The following C2CD5 variants were observed in gnomAD, a reference collection of about 807,000 sequenced individuals.
C2CD5 encodes the protein C2 domain-containing protein 5.
Under a neutral mutation model 130.3 loss-of-function variants are expected in C2CD5, and 109 were observed. The ratio of observed to expected loss-of-function variants is 0.84; its 90% confidence interval spans 0.72 to 0.98. C2CD5 has a LOEUF of 0.98. Among genes scored for constraint, C2CD5 ranks in the 50% least tolerant of loss-of-function variants. The pLI is 0.00. For missense variants in C2CD5, 996 were observed against 1,261.8 expected, an observed-to-expected ratio of 0.79 and a Z score of 3.19; for synonymous variants, 454 against 429.2, an observed-to-expected ratio of 1.06 and a Z score of -0.71.
chr12:22,519,424 G>A (rs1294791093), intron 7 of C2CD5, among the ~76,000 whole-genome samples: 6 of 151,954 alleles, frequency 3.9e-5, no homozygotes, highest in African/African-American at 1.5e-4. Context: ...AGGATACATA[G>A]TTTTAAAGTA....
intron 22 of C2CD5, among the ~76,000 whole-genome samples, chr12:22,461,081 C>T (rs1009095194): frequency 6.6e-6 from 1 of 152,126 alleles, no homozygotes; most frequent in Non-Finnish European, 1.5e-5. Flanking sequence ...CTTTGGAAGT[C>T]TAGGAGGAGA....
intron 26 of C2CD5, among the ~76,000 whole-genome samples, chr12:22,451,314 T>C (rs188738111): frequency 6.6e-6 from 1 of 152,290 alleles, no homozygotes; most frequent in Admixed American, 6.5e-5. Flanking sequence ...GATGGTTCAT[T>C]CATTATAAAG....
In C2CD5 at chr12:22,513,251, C is replaced by A; in HGVS notation, c.1038+43G>T. 2.3e-6 allele frequency: 3 copies of A among 1,289,928 alleles called. No individual in the cohort carries two copies. In the South Asian group the frequency reaches 3.6e-5, roughly 15 times the overall value. The allele number at this position is 1,289,928 out of a possible 1,614,324, so 79.9% of individuals were successfully genotyped here. A position where few individuals can be genotyped will look rare whatever the true frequency, so the allele number is the denominator to read the frequency against. On this transcript the variant is annotated intron_variant, in intron 9 of 26. Coordinates refer to ENST00000446597, the MANE Select transcript of C2CD5 (RefSeq NM_001286176.2). ...ACATGGAAGCATAAGATAACAAAGT[C>A]ATATTAACAGTGTAAGAACAAAGAA...
intron 11 of C2CD5, among the ~76,000 whole-genome samples, chr12:22,491,758 G>C (rs1341753614): frequency 6.6e-6 from 1 of 152,004 alleles, no homozygotes; most frequent in African/African-American, 2.4e-5. Flanking sequence ...TGTAATCCCA[G>C]CTACTAAGGA....
chr12:22,519,052 C>G, intron 7 of C2CD5: 1 of 1,453,954 alleles, frequency 6.9e-7, no homozygotes, highest in Non-Finnish European at 9.2e-7. Context: ...GCCTGCCTGC[C>G]TCTGCAGCCA....
At chr12:22,499,979 G>C (rs1167813496) in intron 10 of C2CD5, among the ~76,000 whole-genome samples, 1 of 152,160 alleles carries the variant, frequency 6.6e-6, no homozygotes, top group Non-Finnish European at 1.5e-5. Flanking sequence ...CTTGAGGTCA[G>C]AAGTTCGAGA....
chr12:22,524,325 T>C (rs1950550048), intron 6 of C2CD5, 147 bp downstream of exon 6: 1 of 636,860 alleles, frequency 1.6e-6, no homozygotes. Context: ...AATGCAAGTG[T>C]GTTCAGGAAG....
At chr12:22,484,629 A>C in intron 13 of C2CD5, 68 bp downstream of exon 13, 1 of 821,368 alleles carries the variant, frequency 1.2e-6, no homozygotes, top group Non-Finnish European at 1.8e-6. Context: ...CTGACACTTA[A>C]AAATAGGTTT....
At chr12:22,512,220 A>G (rs1323866580) in intron 9 of C2CD5, among the ~76,000 whole-genome samples, 1 of 152,246 alleles carries the variant, frequency 6.6e-6, no homozygotes, top group Non-Finnish European at 1.5e-5. Context: ...TACTGTCAGC[A>G]TAAGGAGGGA....
intron 2 of C2CD5, among the ~76,000 whole-genome samples, chr12:22,542,933 T>C (rs563851913): frequency 6.6e-6 from 1 of 152,358 alleles, no homozygotes; most frequent in Admixed American, 6.5e-5. Flanking sequence ...TGTGGGTCAA[T>C]GTCTGAACTA....
intron 4 of C2CD5, 112 bp from the exon 5 acceptor site, chr12:22,525,817 C>T (rs1311642754): frequency 1.5e-6 from 1 of 678,846 alleles, no homozygotes; most frequent in East Asian, 2.6e-5. Context: ...ATTTAACTCA[C>T]AATTTTTTGA....
At chr12:22,533,749 C>T (rs1017448231) in intron 3 of C2CD5, among the ~76,000 whole-genome samples, 1 of 152,160 alleles carries the variant, frequency 6.6e-6, no homozygotes, top group Non-Finnish European at 1.5e-5. Context: ...GGAGAAGTCC[C>T]CTCAGATCAC....
chr12:22,524,378 C>A, intron 6 of C2CD5, 94 bp downstream of exon 6: 2 of 1,000,178 alleles, frequency 2.0e-6, no homozygotes, highest in South Asian at 1.4e-5. Context: ...AATTCATAGC[C>A]TTCATTGTAA....
At chr12:22,473,137 T>C (rs7296372) in intron 16 of C2CD5, among the ~76,000 whole-genome samples, 10,062 of 152,260 alleles carry the variant, frequency 0.066, 468 homozygotes, top group Middle Eastern at 0.11. Flanking sequence ...AATGAGATCC[T>C]TTCACTAAAT....
At chr12:22,516,642 AT>A (rs1332474880) in intron 8 of C2CD5, among the ~76,000 whole-genome samples, 5 of 151,068 alleles carry the variant, frequency 3.3e-5, no homozygotes, top group African/African-American at 1.2e-4. Flanking sequence ...GGCAAAAAAA[AT>A]AAAATAATAA....
chr12:22,472,665 A>C, intron 17 of C2CD5, 79 bp downstream of exon 17: 1 of 862,706 alleles, frequency 1.2e-6, no homozygotes, highest in Non-Finnish European at 2.0e-6. Context: ...TTTAAAGTAA[A>C]ATTAGTACTG....
At chr12:22,541,594 C>T (rs754134882) in intron 2 of C2CD5, among the ~76,000 whole-genome samples, 2 of 152,136 alleles carry the variant, frequency 1.3e-5, no homozygotes, top group Non-Finnish European at 2.9e-5. Flanking sequence ...ATGAGATCTC[C>T]GGGTTACCTT....
intron 9 of C2CD5, among the ~76,000 whole-genome samples, chr12:22,511,174 A>G (rs1455364129): frequency 2.7e-5 from 3 of 112,240 alleles, no homozygotes; most frequent in South Asian, 2.8e-4. Flanking sequence ...TTTCCTCAAG[A>G]AAAAAAAAAA....
chr12:22,482,449 TGTCAAA>T (rs1944871907), intron 14 of C2CD5, 102 bp downstream of exon 14: 2 of 891,068 alleles, frequency 2.2e-6, no homozygotes, highest in Non-Finnish European at 3.5e-6. Context: ...AAGGTCTTAA[TGTCAAA>T]GTCTTTAGAT....
Sources: allele counts gnomAD v4.1 joint callset (sites outside exome capture counted in the v4.1 genomes callset), GRCh38; gene constraint gnomAD v4.1.1; transcripts MANE v1.5; gene names NCBI Gene and HGNC (gene_info 2026-07-23, HGNC 2026-07-21).